Variants in TPD52 observed in about 807,000 individuals in gnomAD.
TPD52 encodes tumor protein D52.
TPD52 carries 17 observed loss-of-function variants against 31.3 expected under a neutral mutation model. The observed-to-expected ratio is 0.54, with a 90% confidence interval of 0.37 to 0.82. The LOEUF is 0.82. TPD52 is among the 40% of genes least tolerant of loss of function. The pLI is 0.00. For synonymous variants in TPD52, 83 were observed against 89.6 expected, an observed-to-expected ratio of 0.93 and a Z score of 0.42; for missense variants, 212 against 240.1, an observed-to-expected ratio of 0.88 and a Z score of 0.77.
chr8:80,058,302 A>ATAGAACTATTATGAAATAATAATAATAG, intron 2 of TPD52, among the ~76,000 whole-genome samples: 1 of 152,336 alleles, frequency 6.6e-6, no homozygotes, highest in South Asian at 2.1e-4. Flanking sequence ...TATTTTCATC[A>ATAGAACTATTATGAAATAATAATAATAG]AACTATTATT....
intron 4 of TPD52, among the ~76,000 whole-genome samples, chr8:80,050,829 T>C (rs1811303185): frequency 6.6e-6 from 1 of 152,174 alleles, no homozygotes; most frequent in African/African-American, 2.4e-5. Context: ...CCATGCAATC[T>C]GAGCATTTTT....
At chr8:80,124,648 C>A (rs893211079) in intron 1 of TPD52, among the ~76,000 whole-genome samples, 9 of 152,108 alleles carry the variant, frequency 5.9e-5, no homozygotes, top group African/African-American at 2.2e-4. Context: ...ATGATATATG[C>A]TAGCTGTATG....
chr8:80,107,056 T>G (rs1807183532), intron 1 of TPD52, among the ~76,000 whole-genome samples: 1 of 151,914 alleles, frequency 6.6e-6, no homozygotes, highest in Non-Finnish European at 1.5e-5. Context: ...TTTCACCATG[T>G]TACCTAGAAT....
At chr8:80,152,758 G>A (rs1043988683) in intron 1 of TPD52, among the ~76,000 whole-genome samples, 3 of 135,968 alleles carry the variant, frequency 2.2e-5, no homozygotes, top group African/African-American at 8.9e-5. Flanking sequence ...TCCAGCCTGG[G>A]CGAAAGTGTG....
chr8:80,141,603 C>T (rs1266691784), intron 1 of TPD52, among the ~76,000 whole-genome samples: 1 of 152,198 alleles, frequency 6.6e-6, no homozygotes, highest in African/African-American at 2.4e-5. Context: ...AGATTTCTGA[C>T]CTGCAGAAAC....
chr8:80,072,901 G>C (rs1329646080), intron 1 of TPD52, among the ~76,000 whole-genome samples: 2 of 151,720 alleles, frequency 1.3e-5, no homozygotes, highest in African/African-American at 4.9e-5. Context: ...CCAGGAATTC[G>C]AGACCAGCCT....
At position 80,037,763 on chromosome 8, in the gene TPD52, G is replaced by A. The variant is rs1810010599; in HGVS notation, c.*353C>T. ...GGGAAAAAAAGGAAATATTATAGAA[G>A]ACAAAGGTCAAACTGGCATTCCAGA... is the stretch of plus-strand genomic sequence containing the variant. On this transcript the variant is annotated 3_prime_UTR_variant, in exon 8 of 8. Coordinates refer to ENST00000518937, the MANE Select transcript of TPD52 (RefSeq NM_001025253.3). 1 of 171,260 alleles carries A rather than the reference G, an allele frequency of 5.8e-6. No homozygotes were observed. The highest frequency in any genetic ancestry group is 1.2e-5 in the Non-Finnish European group (1 of 80,944). The allele number at this position is 171,260 out of a possible 1,614,324, so 10.6% of individuals were successfully genotyped here. A position where few individuals can be genotyped will look rare whatever the true frequency, so the allele number is the denominator to read the frequency against.
chr8:80,083,977 T>C (rs1815532173), intron 1 of TPD52, among the ~76,000 whole-genome samples: 2 of 152,170 alleles, frequency 1.3e-5, no homozygotes, highest in African/African-American at 4.8e-5. Context: ...CCAAGCACTC[T>C]CACTCCATAT....
At chr8:80,136,565 A>G (rs1809450452) in intron 1 of TPD52, among the ~76,000 whole-genome samples, 1 of 149,288 alleles carries the variant, frequency 6.7e-6, no homozygotes, top group South Asian at 2.1e-4. Context: ...AACAGTGCTC[A>G]CCATTAGAAC....
intron 1 of TPD52, among the ~76,000 whole-genome samples, chr8:80,152,780 CAAA>C (rs57456374): frequency 2.4e-5 from 2 of 83,542 alleles, no homozygotes; most frequent in African/African-American, 5.1e-5. Flanking sequence ...GACTCCGTCT[CAAA>C]AAAAAAAAAA....
intron 1 of TPD52, among the ~76,000 whole-genome samples, chr8:80,160,947 A>G (rs1288129764): frequency 6.6e-6 from 1 of 150,554 alleles, no homozygotes; most frequent in Non-Finnish European, 1.5e-5. Context: ...CTGTAGTCCC[A>G]GCTACTTGGG....
At chr8:80,102,797 T>G (rs1386782383) in intron 1 of TPD52, among the ~76,000 whole-genome samples, 2 of 151,994 alleles carry the variant, frequency 1.3e-5, no homozygotes, top group African/African-American at 4.8e-5. Context: ...GGCCGGAAAT[T>G]TCAGTCCCAC....
At position 80,042,614 on chromosome 8, in the gene TPD52, A is replaced by C. The variant is rs1193441822; in HGVS notation, c.504+6T>G. ...TCAAAAAGACCCTGTTCATCTCTCT[A>C]CTTGCCTTTAAGTTTTCGACCTTTT... On this transcript the variant is annotated splice_donor_region_variant and intron_variant, in intron 7 of 7. Coordinates refer to ENST00000518937, the MANE Select transcript of TPD52 (RefSeq NM_001025253.3). 1 of 1,610,996 alleles carries C rather than the reference A, an allele frequency of 6.2e-7. No homozygotes were observed. The highest frequency in any genetic ancestry group is 1.7e-5 in the Admixed American group (1 of 59,936).
chr8:80,038,577 T>C (rs1302298240), intron 7 of TPD52, among the ~76,000 whole-genome samples: 1 of 152,246 alleles, frequency 6.6e-6, no homozygotes, highest in East Asian at 1.9e-4. Flanking sequence ...TTGCATAACA[T>C]TTTGTATTGC....
At chr8:80,058,573 G>A (rs1186091485) in intron 2 of TPD52, among the ~76,000 whole-genome samples, 4 of 152,190 alleles carry the variant, frequency 2.6e-5, no homozygotes, top group Non-Finnish European at 5.9e-5. Context: ...CAAGGCAGGT[G>A]GATCACCTGA....
chr8:80,082,651 C>T (rs914733849), intron 1 of TPD52, among the ~76,000 whole-genome samples: 1 of 152,220 alleles, frequency 6.6e-6, no homozygotes, highest in African/African-American at 2.4e-5. Flanking sequence ...GAAATGCCAC[C>T]TCTTCTTAGA....
intron 1 of TPD52, among the ~76,000 whole-genome samples, chr8:80,112,258 A>C (rs1254584876): frequency 1.3e-5 from 2 of 152,338 alleles, no homozygotes; most frequent in Non-Finnish European, 2.9e-5. Flanking sequence ...AATCCTCACA[A>C]TAATTCTATG....
At chr8:80,090,708 G>GA (rs61605939) in intron 1 of TPD52, among the ~76,000 whole-genome samples, 4,581 of 124,036 alleles carry the variant, frequency 0.037, 78 homozygotes, top group Middle Eastern at 0.057. Context: ...TTATAAGAAA[G>GA]AAAAAAAAAA....
chr8:80,050,274 A>G (rs1811231097), intron 5 of TPD52, 171 bp downstream of exon 5: 2 of 506,698 alleles, frequency 3.9e-6, no homozygotes, highest in Non-Finnish European at 3.4e-6. Flanking sequence ...CCCATGGTAT[A>G]CAAGAAACCC....
Sources: allele counts gnomAD v4.1 joint callset (sites outside exome capture counted in the v4.1 genomes callset), GRCh38; gene constraint gnomAD v4.1.1; transcripts MANE v1.5; gene names NCBI Gene and HGNC (gene_info 2026-07-23, HGNC 2026-07-21).